Variants in MYRIP observed in about 807,000 individuals in gnomAD.
MYRIP encodes the protein myosin VIIA and Rab interacting protein, also known as rab effector MyRIP.
In MYRIP, 49 loss-of-function variants were observed where a neutral mutation model predicts 98.0. That is an observed-to-expected ratio of 0.50 (90% CI 0.40 to 0.63). The LOEUF is 0.63. Among genes scored for constraint, MYRIP ranks in the 30% least tolerant of loss-of-function variants. MYRIP has a pLI of 0.00. For synonymous variants in MYRIP, 404 were observed against 409.5 expected (o/e 0.99, Z 0.16); for missense variants, 1,004 against 1,058.2 (o/e 0.95, Z 0.71).
At chr3:40,157,654 T>G (rs1950274966) in intron 4 of MYRIP, among the ~76,000 whole-genome samples, 1 of 149,050 alleles carries the variant, frequency 6.7e-6, no homozygotes, top group Admixed American at 6.7e-5. Flanking sequence ...AAGCTATTGA[T>G]TATTGCCACA....
At chr3:39,860,949 T>A (rs1162640054) in intron 1 of MYRIP, among the ~76,000 whole-genome samples, 1 of 152,240 alleles carries the variant, frequency 6.6e-6, no homozygotes, top group Admixed American at 6.5e-5. Context: ...TGCACACAGA[T>A]GCTAGCACCC....
chr3:39,974,893 C>T (rs542180242), intron 2 of MYRIP, among the ~76,000 whole-genome samples: 17 of 152,142 alleles, frequency 1.1e-4, no homozygotes, highest in African/African-American at 3.9e-4. Flanking sequence ...ATGGATGGGA[C>T]GTATCTCAAT....
intron 1 of MYRIP, among the ~76,000 whole-genome samples, chr3:39,890,911 G>A (rs1430905127): frequency 6.6e-6 from 1 of 152,016 alleles, no homozygotes; most frequent in Non-Finnish European, 1.5e-5. Flanking sequence ...CCCTTGCCTT[G>A]AAGAAGGGTA....
chr3:39,890,143 A>G (rs1198231186), intron 1 of MYRIP, among the ~76,000 whole-genome samples: 4 of 151,640 alleles, frequency 2.6e-5, no homozygotes, highest in Non-Finnish European at 5.9e-5. Context: ...CTCCATATCT[A>G]GAATATTCTT....
intron 2 of MYRIP, among the ~76,000 whole-genome samples, chr3:40,019,702 G>A (rs1456718840): frequency 3.3e-5 from 5 of 151,498 alleles, no homozygotes; most frequent in Non-Finnish European, 7.4e-5. Context: ...AGGAATAAGG[G>A]AAACAATTCA....
At chr3:40,054,351 A>C (rs905760095) in intron 3 of MYRIP, among the ~76,000 whole-genome samples, 1 of 152,130 alleles carries the variant, frequency 6.6e-6, no homozygotes, top group African/African-American at 2.4e-5. Context: ...TTTAGGATAC[A>C]TTTATAGCCT....
At chr3:40,097,259 A>G (rs1948850906) in intron 3 of MYRIP, among the ~76,000 whole-genome samples, 1 of 152,242 alleles carries the variant, frequency 6.6e-6, no homozygotes, top group African/African-American at 2.4e-5. Flanking sequence ...CAGAAACTAA[A>G]GAAAGAGAGA....
At chr3:40,063,017 T>C (rs1398562944) in intron 3 of MYRIP, among the ~76,000 whole-genome samples, 1 of 152,172 alleles carries the variant, frequency 6.6e-6, no homozygotes, top group East Asian at 1.9e-4. Flanking sequence ...AAAAAAGATT[T>C]AGGAGATGTT....
At chr3:40,166,207 T>C (rs1950495862) in intron 5 of MYRIP, among the ~76,000 whole-genome samples, 1 of 152,220 alleles carries the variant, frequency 6.6e-6, no homozygotes, top group Non-Finnish European at 1.5e-5. Context: ...TTGTCCTTAG[T>C]ACATTTAATA....
chr3:40,029,446 GAAGATATGTAAGCCAGCTAAA>G, intron 2 of MYRIP, among the ~76,000 whole-genome samples: 2 of 152,180 alleles, frequency 1.3e-5, no homozygotes, highest in East Asian at 3.9e-4. Context: ...TCATGTGTTA[GAAGATATGTAAGCCAGCTAAA>G]GGTGCCCAAG....
At chr3:39,989,326 G>T (rs1054465229) in intron 2 of MYRIP, among the ~76,000 whole-genome samples, 2 of 152,088 alleles carry the variant, frequency 1.3e-5, no homozygotes, top group Non-Finnish European at 2.9e-5. Flanking sequence ...TTCGCTTCAG[G>T]CCCTATTCAT....
In MYRIP at chr3:39,948,485, C is replaced by A. The variant is rs535249001; in HGVS notation, c.110+47559C>A. On this transcript the variant is annotated intron_variant, in intron 2 of 16. Transcript: ENST00000302541. ...TATGAAAATATGAATAAAGAACAAG[C>A]AAATTTAAAAACAAAGAACTCATTA... Among the ~76,000 whole-genome samples, 6 of 151,872 alleles carry A rather than the reference C, an allele frequency of 4.0e-5. No individual in the cohort carries two copies. The East Asian group carries it at 9.7e-4, about 24-fold the overall frequency.
At chr3:39,898,965 TA>T (rs945960609) in intron 1 of MYRIP, among the ~76,000 whole-genome samples, 2 of 152,168 alleles carry the variant, frequency 1.3e-5, no homozygotes, top group Non-Finnish European at 2.9e-5. Context: ...TTAAGGACAA[TA>T]GTATGCATGA....
chr3:40,039,797 C>T (rs918463860), intron 2 of MYRIP, among the ~76,000 whole-genome samples: 12 of 151,572 alleles, frequency 7.9e-5, no homozygotes, highest in Non-Finnish European at 1.5e-4. Flanking sequence ...AAATAGGTGG[C>T]TTAAAACAAT....
chr3:39,883,328 C>G (rs551492306), intron 1 of MYRIP, among the ~76,000 whole-genome samples: 46 of 152,178 alleles, frequency 3.0e-4, no homozygotes, highest in Non-Finnish European at 5.3e-4. Context: ...TGCATGCAAG[C>G]TTGCTGGTAC....
intron 5 of MYRIP, among the ~76,000 whole-genome samples, chr3:40,166,153 A>G (rs571527840): frequency 6.6e-6 from 1 of 152,350 alleles, no homozygotes; most frequent in Non-Finnish European, 1.5e-5. Flanking sequence ...CCAAAAAATT[A>G]TACCATAGAG....
intron 16 of MYRIP, among the ~76,000 whole-genome samples, chr3:40,256,608 A>G (rs1362918895): frequency 6.6e-6 from 1 of 152,192 alleles, no homozygotes; most frequent in Non-Finnish European, 1.5e-5. Flanking sequence ...TTTTTTATAT[A>G]TACAATGTGA....
At chr3:39,926,192 G>A (rs2125695332) in intron 2 of MYRIP, among the ~76,000 whole-genome samples, 1 of 151,730 alleles carries the variant, frequency 6.6e-6, no homozygotes, top group Admixed American at 6.6e-5. Flanking sequence ...TTTGTTTTTT[G>A]CTTGTTGAAT....
rs537334442 is a variant in MYRIP at position 40,167,698 on chromosome 3, G to A, written c.729+459G>A. ...AGCCACAAGTTTCAGGTATCCCAAA[G>A]CCACCACACTTCTCCCTAGCCTGCT... On this transcript the variant is annotated intron_variant, in intron 7 of 16. Transcript: ENST00000302541. 2.6e-5 allele frequency among the ~76,000 whole-genome samples: 4 copies of A among 152,244 alleles called. No homozygotes were observed. In the East Asian group the frequency reaches 5.8e-4, roughly 22 times the overall value.
Sources: allele counts gnomAD v4.1 joint callset (sites outside exome capture counted in the v4.1 genomes callset), GRCh38; gene constraint gnomAD v4.1.1; transcripts MANE v1.5; gene names NCBI Gene and HGNC (gene_info 2026-07-23, HGNC 2026-07-21).